Variants in R3HCC1L observed in about 807,000 individuals in gnomAD.
The protein encoded by R3HCC1L is coiled-coil domain-containing protein R3HCC1L.
In R3HCC1L, 51 loss-of-function variants were observed where a neutral mutation model predicts 59.9. The observed-to-expected ratio is 0.85, with a 90% CI of 0.68 to 1.07. The LOEUF (loss-of-function observed/expected upper bound fraction) is 1.07, where lower values mean the gene tolerates loss of function less well. Among genes scored for constraint, R3HCC1L ranks in the 50% least tolerant of loss-of-function variants. The probability of loss-of-function intolerance (pLI) is 0.00; values close to 1 mark genes in which losing one functional copy is unlikely to be tolerated. For synonymous variants in R3HCC1L, 322 were observed against 315.2 expected (o/e 1.02, Z -0.23); for missense variants, 965 against 933.0 (o/e 1.03, Z -0.45).
intron 4 of R3HCC1L, among the ~76,000 whole-genome samples, chr10:98,201,390 A>C (rs1852027063): frequency 1.3e-5 from 2 of 152,198 alleles, no homozygotes. Flanking sequence ...AATATACTGA[A>C]TACCTCACTT....
intron 8 of R3HCC1L, 56 bp downstream of exon 8, chr10:98,235,576 C>G: frequency 7.1e-7 from 1 of 1,404,100 alleles, no homozygotes; most frequent in South Asian, 1.3e-5. Context: ...ATTGTTCTTT[C>G]CAGAAGTTTT....
At position 98,143,598 on chromosome 10, in the gene R3HCC1L, T is replaced by A. The variant is rs573713343; in HGVS notation, c.-268+8892T>A. Among the ~76,000 whole-genome samples the A allele has an allele frequency of 6.9e-4, 105 of 152,334 alleles. 2 individuals are homozygous for A. The highest frequency in any genetic ancestry group is 2.5e-3 in the African/African-American group (105 of 41,574). ...CTTCTAACACTTTGGTGAAGGACAG[T>A]GCTTCAAAAATTAGGATAAGATCTT... On this transcript the variant is annotated intron_variant, in intron 1 of 9. Transcript: ENST00000298999.
intron 1 of R3HCC1L, among the ~76,000 whole-genome samples, chr10:98,152,343 T>C (rs1846268822): frequency 6.6e-6 from 1 of 151,722 alleles, no homozygotes; most frequent in Non-Finnish European, 1.5e-5. Flanking sequence ...CCTCCCAAAG[T>C]GCTGAGATTG....
chr10:98,208,862 A>C lies in R3HCC1L; in HGVS notation c.748A>C (p.Met250Leu), dbSNP rs376638744. The C allele has an allele frequency of 8.5e-5, 138 of 1,614,064 alleles. No individual in the cohort carries two copies. Among genetic ancestry groups the C allele is most frequent in the Non-Finnish European group, 1.2e-4 (137 of 1,180,024 alleles). ...SSDSEIVQQSMQTSDGILNPS... is the reference protein window; with the variant it reads ...SSDSEIVQQSLQTSDGILNPS... ...TGATTCTGAAATTGTACAACAAAGCATGCAAACATCAGATGGAATATTGAA... is the reference window on the plus strand; with the variant it reads ...TGATTCTGAAATTGTACAACAAAGCCTGCAAACATCAGATGGAATATTGAA... Residue 250 changes from methionine (M) to leucine (L), a missense_variant, in exon 5 of 10, where the codon ATG becomes CTG. Met to Leu is a conservative substitution (Grantham distance 15). Transcript: ENST00000298999.
chr10:98,144,779 C>T lies in R3HCC1L; in HGVS notation c.-268+10073C>T, dbSNP rs567280917. Among the ~76,000 whole-genome samples, 179 of 152,302 alleles carry T rather than the reference C, an allele frequency of 1.2e-3. 1 individual carries two copies. The highest frequency in any genetic ancestry group is 2.2e-3 in the Non-Finnish European group (150 of 68,032). On this transcript the variant is annotated intron_variant, in intron 1 of 9. Transcript: ENST00000298999. ...TCTTCTGGTTCTGCTACTGAATGAT[C>T]TCTAAGTTGAGGAGTGCAAAATACA...
intron 1 of R3HCC1L, among the ~76,000 whole-genome samples, chr10:98,141,510 CAT>C (rs1845136596): frequency 6.6e-6 from 1 of 152,166 alleles, no homozygotes; most frequent in South Asian, 2.1e-4. Flanking sequence ...CATTCCAAAA[CAT>C]AATGGTGTAA....
chr10:98,155,881 T>C lies in R3HCC1L; in HGVS notation c.-267-212T>C, dbSNP rs11189498. Among the ~76,000 whole-genome samples the C allele has an allele frequency of 6.8e-3, 1,027 of 152,136 alleles. 19 individuals are homozygous for C. The highest frequency in any genetic ancestry group is 0.024 in the African/African-American group (985 of 41,538). On this transcript the variant is annotated intron_variant, in intron 1 of 9. Transcript: ENST00000298999. ...TGTTATTAAATACCATCTCCACTGC[T>C]GCTTCTCCCTAGCTTCTTAATTTAG...
rs1372429639 is a variant in R3HCC1L, at chr10:98,208,562, G to A, written c.448G>A (p.Val150Ile). 7 of 1,614,160 alleles carry A rather than the reference G, an allele frequency of 4.3e-6. No individual in the cohort carries two copies. The highest frequency in any genetic ancestry group is 5.1e-6 in the Non-Finnish European group (6 of 1,180,006). ...ACCAAAGAAGGTGGAGTGTTTGGAA[G>A]TTGAAACTACGGATGTGACAGGACA... Reference protein sequence around the residue: ...FKPKKVECLEVETTDVTGHER... With the variant: ...FKPKKVECLEIETTDVTGHER... The change falls in exon 5 of 10, where the codon GTT becomes ATT. Residue 150 changes from valine to isoleucine, a missense_variant. Transcript: ENST00000298999.
chr10:98,143,773 C>T (rs546661913), intron 1 of R3HCC1L, among the ~76,000 whole-genome samples: 2 of 152,198 alleles, frequency 1.3e-5, no homozygotes, highest in Admixed American at 1.3e-4. Flanking sequence ...TATGACCGTA[C>T]ATTATAAACT....
At chr10:98,236,928 A>G (rs936997072) in intron 9 of R3HCC1L, among the ~76,000 whole-genome samples, 2 of 152,198 alleles carry the variant, frequency 1.3e-5, no homozygotes, top group African/African-American at 2.4e-5. Flanking sequence ...TGTGAAGGCA[A>G]TTTATTCTGA....
intron 4 of R3HCC1L, among the ~76,000 whole-genome samples, chr10:98,204,947 A>C (rs2135184695): frequency 6.6e-6 from 1 of 152,272 alleles, no homozygotes; most frequent in African/African-American, 2.4e-5. Context: ...CTGACAGTCC[A>C]CAAGAATGGG....
chr10:98,234,680 C>G (rs1222920033), intron 7 of R3HCC1L, among the ~76,000 whole-genome samples, 164 bp downstream of exon 7: 1 of 152,172 alleles, frequency 6.6e-6, no homozygotes, highest in Non-Finnish European at 1.5e-5. Context: ...TACCCATTCT[C>G]ACCTTTCACC....
At chr10:98,203,306 G>C (rs1278007378) in intron 4 of R3HCC1L, among the ~76,000 whole-genome samples, 1 of 152,168 alleles carries the variant, frequency 6.6e-6, no homozygotes, top group Non-Finnish European at 1.5e-5. Context: ...GATTCCAAAT[G>C]ATAAATGAGG....
intron 2 of R3HCC1L, among the ~76,000 whole-genome samples, chr10:98,158,483 A>C (rs1847092995): frequency 6.6e-6 from 1 of 152,252 alleles, no homozygotes; most frequent in South Asian, 2.1e-4. Flanking sequence ...CCAAATACCC[A>C]AAATGTTAAC....
chr10:98,188,274 G>T (rs1465342169), intron 4 of R3HCC1L, among the ~76,000 whole-genome samples: 1 of 152,176 alleles, frequency 6.6e-6, no homozygotes, highest in African/African-American at 2.4e-5. Flanking sequence ...GGAGTTGTAG[G>T]TATGATTGTT....
intron 5 of R3HCC1L, among the ~76,000 whole-genome samples, chr10:98,215,752 G>A (rs1347685709): frequency 6.6e-6 from 1 of 152,096 alleles, no homozygotes; most frequent in African/African-American, 2.4e-5. Context: ...CACATGTGCA[G>A]GAAGCAATAA....
chr10:98,213,681 C>G (rs759258911), intron 5 of R3HCC1L, among the ~76,000 whole-genome samples: 2 of 152,076 alleles, frequency 1.3e-5, no homozygotes, highest in Admixed American at 6.6e-5. Context: ...TTAAAAAAAT[C>G]TATAGACTTT....
intron 4 of R3HCC1L, among the ~76,000 whole-genome samples, chr10:98,201,537 G>T (rs557424362): frequency 4.6e-5 from 7 of 152,210 alleles, no homozygotes; most frequent in African/African-American, 1.7e-4. Flanking sequence ...TTTTCCTTCC[G>T]TACCCTCCCA....
In R3HCC1L at chr10:98,174,966, T is replaced by A. The variant is rs115438321; in HGVS notation, c.-15+11569T>A. 5.9e-3 allele frequency among the ~76,000 whole-genome samples: 896 copies of A among 152,270 alleles called. 5 individuals are homozygous for A. Among genetic ancestry groups the A allele is most frequent in the African/African-American group, 0.021 (859 of 41,556 alleles). ...AAAACCGTTCAAATTAAAAATATAGTTTTCTGTATCTACCCGAGTGCAGTG... is the reference window on the plus strand; with the variant it reads ...AAAACCGTTCAAATTAAAAATATAGATTTCTGTATCTACCCGAGTGCAGTG... On this transcript the variant is annotated intron_variant, in intron 4 of 9. Transcript: ENST00000298999.
Sources: gnomAD v4.1 joint callset for allele counts (sites outside exome capture counted in the v4.1 genomes callset) on GRCh38, gnomAD v4.1.1 for gene constraint, MANE v1.5 for transcripts, NCBI Gene and HGNC (gene_info 2026-07-23, HGNC 2026-07-21) for gene names.